Variants in FBXL4 observed in about 807,000 individuals in gnomAD.
The protein encoded by FBXL4 is F-box and leucine rich repeat protein 4, also known as F-box/LRR-repeat protein 4.
Under a neutral mutation model 58.9 loss-of-function variants are expected in FBXL4, and 40 were observed. The ratio of observed to expected loss-of-function variants is 0.68; its 90% CI spans 0.53 to 0.88. The LOEUF (loss-of-function observed/expected upper bound fraction) is 0.88. Ranked by LOEUF, FBXL4 falls within the 40% of genes least tolerant of loss-of-function variation. The probability of loss-of-function intolerance (pLI) is 0.00; values close to 1 mark genes in which losing one functional copy is unlikely to be tolerated. For synonymous variants in FBXL4, 263 were observed against 265.5 expected (o/e 0.99, Z 0.09); for missense variants, 676 against 734.4 (o/e 0.92, Z 0.92).
intron 1 of FBXL4, among the ~76,000 whole-genome samples, chr6:98,942,922 T>G (rs1196691836): frequency 6.6e-6 from 1 of 152,126 alleles, no homozygotes; most frequent in Non-Finnish European, 1.5e-5. Flanking sequence ...TATGACTAGA[T>G]TAAATTGTCC....
At chr6:98,879,426 T>C (rs889182898) in intron 8 of FBXL4, among the ~76,000 whole-genome samples, 25 of 152,218 alleles carry the variant, frequency 1.6e-4, no homozygotes, top group African/African-American at 5.8e-4. Context: ...ACTTACGGTA[T>C]GTGTGCACAC....
At chr6:98,941,683 G>C (rs1166338819) in intron 1 of FBXL4, among the ~76,000 whole-genome samples, 1 of 152,084 alleles carries the variant, frequency 6.6e-6, no homozygotes, top group Non-Finnish European at 1.5e-5. Context: ...TACCTGTCTG[G>C]AAAACAGAAT....
chr6:98,918,208 T>C (rs1351033978), intron 4 of FBXL4, among the ~76,000 whole-genome samples: 1 of 152,086 alleles, frequency 6.6e-6, no homozygotes, highest in Non-Finnish European at 1.5e-5. Context: ...ATCAAATCAT[T>C]GTTTCATCAA....
intron 1 of FBXL4, among the ~76,000 whole-genome samples, chr6:98,946,107 C>T (rs577268824): frequency 6.6e-6 from 1 of 152,198 alleles, no homozygotes; most frequent in African/African-American, 2.4e-5. Flanking sequence ...GTTCAAATCC[C>T]TAGATATTAA....
intron 2 of FBXL4, among the ~76,000 whole-genome samples, chr6:98,932,244 A>G (rs1773040590): frequency 6.6e-6 from 1 of 152,212 alleles, no homozygotes; most frequent in African/African-American, 2.4e-5. Flanking sequence ...GCTTAATCCA[A>G]TCACTGATAA....
At chr6:98,933,438 C>G (rs969896801) in intron 2 of FBXL4, among the ~76,000 whole-genome samples, 3 of 152,276 alleles carry the variant, frequency 2.0e-5, no homozygotes, top group African/African-American at 7.2e-5. Flanking sequence ...CCCACCAGAA[C>G]CTCCACCATG....
chr6:98,898,513 G>A lies in FBXL4; in HGVS notation c.1317+755C>T, dbSNP rs533291461. 3 of 914,804 alleles carry A rather than the reference G, an allele frequency of 3.3e-6. 1 individual carries two copies. The South Asian group carries it at 1.5e-4, about 46-fold the overall frequency. 56.7% of individuals were successfully genotyped at this position (914,804 alleles called of 1,614,324 possible). On this transcript the variant is annotated intron_variant, in intron 7 of 9. Coordinates refer to ENST00000369244, the MANE Select transcript of FBXL4 (RefSeq NM_001278716.2). ...CCAGATACTCAGGAGGCTGAGGCAG[G>A]AGAATCGCTTGAACTGGTCAGGCGG...
intron 7 of FBXL4, among the ~76,000 whole-genome samples, chr6:98,884,342 A>G (rs560639219): frequency 6.6e-6 from 1 of 152,254 alleles, no homozygotes; most frequent in East Asian, 1.9e-4. Flanking sequence ...TACCTATCCT[A>G]TCATTATAAA....
intron 1 of FBXL4, among the ~76,000 whole-genome samples, chr6:98,945,601 G>A (rs1451701551): frequency 6.6e-6 from 1 of 152,074 alleles, no homozygotes; most frequent in African/African-American, 2.4e-5. Context: ...AAAGTTTTAA[G>A]TGTCCAGTGT....
intron 7 of FBXL4, among the ~76,000 whole-genome samples, chr6:98,884,122 TAAC>T (rs1178640847): frequency 2.0e-5 from 3 of 152,016 alleles, no homozygotes; most frequent in African/African-American, 4.8e-5. Context: ...GATAAAATCT[TAAC>T]AACAAACATT....
Position 98,917,557 on chromosome 6 carries a change from T to C in FBXL4, c.675A>G (p.Leu225=). 6.2e-7 allele frequency: 1 copy of C among 1,614,042 alleles called. No homozygotes were observed. Among genetic ancestry groups the C allele is most frequent in the Non-Finnish European group, 8.5e-7 (1 of 1,179,906 alleles). ...GCACTGGCTTGTCCTTCACACCATG[T>C]AGCACAACTGCATCTAATTCAGTGT... ...EYYTELDAVV[L]HGVKDKPVLS... The change falls in exon 5 of 10, where the codon CTA becomes CTG. Residue 225 remains leucine, a synonymous_variant. Coordinates refer to ENST00000369244, the MANE Select transcript of FBXL4 (RefSeq NM_001278716.2).
chr6:98,875,307 A>C (rs1362697040), intron 9 of FBXL4, 108 bp downstream of exon 9: 2 of 1,017,162 alleles, frequency 2.0e-6, no homozygotes, highest in Non-Finnish European at 3.0e-6. Context: ...ATCAGGATAA[A>C]ATTTTTATTG....
intron 9 of FBXL4, 33 bp from the exon 10 acceptor site, chr6:98,874,474 A>C (rs1282927024): frequency 6.3e-7 from 1 of 1,587,664 alleles, no homozygotes; most frequent in Non-Finnish European, 8.5e-7. Flanking sequence ...AACAAAACAA[A>C]ACACCTTAAG....
In FBXL4 at chr6:98,874,069, T is replaced by C; in HGVS notation, c.*209A>G. On this transcript the variant is annotated 3_prime_UTR_variant, in exon 10 of 10. Transcript: ENST00000369244. ...AACATAAGGTAAAAATAATATCCAC[T>C]CATATTCTTGAAGAGAAGTGCTTGC... 2.4e-6 allele frequency: 1 copy of C among 417,626 alleles called. No individual in the cohort carries two copies. Among genetic ancestry groups the C allele is most frequent in the Non-Finnish European group, 4.2e-6 (1 of 238,438 alleles). 25.9% of individuals were successfully genotyped at this position (417,626 alleles called of 1,614,324 possible). A position where few individuals can be genotyped will look rare whatever the true frequency, so the allele number is the denominator to read the frequency against.
intron 1 of FBXL4, among the ~76,000 whole-genome samples, chr6:98,940,620 C>CT (rs1000590680): frequency 3.3e-5 from 5 of 151,900 alleles, no homozygotes; most frequent in South Asian, 2.1e-4. Flanking sequence ...ATTTTCTAAT[C>CT]TTTTTTTTGT....
intron 7 of FBXL4, among the ~76,000 whole-genome samples, chr6:98,890,671 C>A (rs1007820437): frequency 7.2e-5 from 11 of 152,106 alleles, no homozygotes; most frequent in Non-Finnish European, 8.8e-5. Context: ...GTAATCCCAG[C>A]ACTTTGGGAG....
intron 2 of FBXL4, among the ~76,000 whole-genome samples, chr6:98,929,099 T>G (rs911572707): frequency 6.6e-6 from 1 of 152,216 alleles, no homozygotes; most frequent in Non-Finnish European, 1.5e-5. Context: ...TGATAGGTGA[T>G]GAGCAAATTA....
intron 4 of FBXL4, among the ~76,000 whole-genome samples, chr6:98,921,846 A>G (rs1169039117): frequency 1.3e-5 from 2 of 152,024 alleles, no homozygotes. Context: ...ACTTTATTCC[A>G]ATTGGTTTCT....
intron 5 of FBXL4, among the ~76,000 whole-genome samples, chr6:98,906,832 G>C (rs1771834168): frequency 6.6e-6 from 1 of 152,154 alleles, no homozygotes; most frequent in South Asian, 2.1e-4. Flanking sequence ...TCCAGCATCT[G>C]TTGTTTCCTG....
Sources: allele counts gnomAD v4.1 joint callset (sites outside exome capture counted in the v4.1 genomes callset), GRCh38; gene constraint gnomAD v4.1.1; transcripts MANE v1.5; gene names NCBI Gene and HGNC (gene_info 2026-07-23, HGNC 2026-07-21).